Variants in RUNDC3B observed in about 807,000 individuals in gnomAD.
RUNDC3B encodes RUN domain-containing protein 3B.
RUNDC3B carries 33 observed loss-of-function variants against 58.4 expected under a neutral mutation model. The ratio of observed to expected loss-of-function variants is 0.56; its 90% CI spans 0.43 to 0.75. RUNDC3B has a LOEUF of 0.75. RUNDC3B is among the 30% of genes least tolerant of loss of function. The pLI, the probability that RUNDC3B is intolerant of heterozygous loss-of-function variation, is 0.00. For synonymous variants in RUNDC3B, 193 were observed against 195.2 expected (o/e 0.99, Z 0.10); for missense variants, 501 against 535.7 (o/e 0.94, Z 0.64).
intron 4 of RUNDC3B, among the ~76,000 whole-genome samples, chr7:87,719,990 C>CA (rs11363135): frequency 0.083 from 9,302 of 112,092 alleles, 537 homozygotes; most frequent in African/African-American, 0.21. Context: ...TGACTACATC[C>CA]AAAAAAAAAA....
Position 87,760,957 on chromosome 7 carries a change from CAAAAG to C in RUNDC3B, c.630-9619_630-9615del, listed in dbSNP as rs1833644140. Among the ~76,000 whole-genome samples, 4 of 151,510 alleles carry C rather than the reference CAAAAG, an allele frequency of 2.6e-5. No homozygotes were observed. In the South Asian group the frequency reaches 8.3e-4, roughly 32 times the overall value. On this transcript the variant is annotated intron_variant, in intron 6 of 10. Coordinates refer to ENST00000394654, the MANE Select transcript of RUNDC3B (RefSeq NM_001134405.2). ...AATATGACACCAAAAATGTAAATAA[CAAAAG>C]AAAAAATAGATAAATTGGACTTCAT... is the stretch of plus-strand genomic sequence containing the variant.
At chr7:87,765,933 T>A (rs1416067120) in intron 6 of RUNDC3B, among the ~76,000 whole-genome samples, 1 of 152,120 alleles carries the variant, frequency 6.6e-6, no homozygotes. Context: ...CTATATCATT[T>A]CTTATGTCTA....
Position 87,741,550 on chromosome 7 carries a change from C to T in RUNDC3B, c.600C>T (p.Asp200=). 1 of 1,585,954 alleles carries T rather than the reference C, an allele frequency of 6.3e-7. No homozygotes were observed. Among genetic ancestry groups the T allele is most frequent in the Non-Finnish European group, 8.6e-7 (1 of 1,159,626 alleles). The change falls in exon 6 of 11, where the codon GAC becomes GAT. Residue 200 remains aspartate, a synonymous_variant. Transcript: ENST00000394654. ...GLDGSFPAVI[D]YTPYLKYIQS... is the part of the protein sequence containing the mutation. ...ATGGCAGTTTTCCTGCTGTAATAGA[C>T]TATACACCATATTTGAAGTATATCC...
intron 2 of RUNDC3B, among the ~76,000 whole-genome samples, chr7:87,652,624 A>ATATATG (rs1312743162): frequency 1.4e-5 from 2 of 142,836 alleles, no homozygotes; most frequent in South Asian, 4.3e-4. Context: ...GGTCACTGAT[A>ATATATG]TATATATATA....
intron 2 of RUNDC3B, among the ~76,000 whole-genome samples, chr7:87,658,581 G>A (rs560177088): frequency 6.6e-6 from 1 of 152,210 alleles, no homozygotes; most frequent in Non-Finnish European, 1.5e-5. Context: ...TCATGCCAAA[G>A]GCACGATAAT....
intron 4 of RUNDC3B, among the ~76,000 whole-genome samples, chr7:87,713,553 A>C (rs1830282351): frequency 6.6e-6 from 1 of 151,754 alleles, no homozygotes; most frequent in South Asian, 2.1e-4. Flanking sequence ...AACCTCGAAG[A>C]GTTACATGGC....
intron 2 of RUNDC3B, chr7:87,693,893 A>ATT: frequency 2.7e-6 from 4 of 1,462,040 alleles, no homozygotes; most frequent in South Asian, 1.2e-5. Flanking sequence ...TGTTGTTGTT[A>ATT]TTTTTTTTTT....
At chr7:87,807,793 T>C (rs1420762413) in intron 9 of RUNDC3B, among the ~76,000 whole-genome samples, 1 of 152,182 alleles carries the variant, frequency 6.6e-6, no homozygotes, top group African/African-American at 2.4e-5. Flanking sequence ...TTGAATTCTA[T>C]CATTGGTGTG....
At chr7:87,773,645 G>T (rs1188033920) in intron 7 of RUNDC3B, among the ~76,000 whole-genome samples, 1 of 135,916 alleles carries the variant, frequency 7.4e-6, no homozygotes, top group Admixed American at 7.3e-5. Flanking sequence ...GGTTTGTTTT[G>T]TTTTTGTCTT....
At chr7:87,767,075 C>T (rs990208165) in intron 6 of RUNDC3B, among the ~76,000 whole-genome samples, 1 of 152,008 alleles carries the variant, frequency 6.6e-6, no homozygotes, top group African/African-American at 2.4e-5. Context: ...GCGAATTTTT[C>T]ATTTCTTCAA....
chr7:87,731,035 G>A (rs567052172), intron 4 of RUNDC3B, among the ~76,000 whole-genome samples: 5 of 152,206 alleles, frequency 3.3e-5, no homozygotes, highest in South Asian at 2.1e-4. Flanking sequence ...TGATGCCTAC[G>A]TGGCTACAGT....
intron 8 of RUNDC3B, among the ~76,000 whole-genome samples, chr7:87,793,662 G>GT (rs1013373143): frequency 2.2e-4 from 33 of 151,802 alleles, no homozygotes; most frequent in African/African-American, 6.3e-4. Context: ...AAAAAACTGA[G>GT]TTTTTTTTGA....
chr7:87,733,866 G>A (rs1465468000), intron 4 of RUNDC3B, among the ~76,000 whole-genome samples: 3 of 152,152 alleles, frequency 2.0e-5, no homozygotes, highest in Admixed American at 2.0e-4. Context: ...CCACGGACAG[G>A]TTCTGGTTCA....
chr7:87,713,318 G>A lies in RUNDC3B; in HGVS notation c.458+2663G>A, dbSNP rs528747108. On this transcript the variant is annotated intron_variant, in intron 4 of 10. Coordinates refer to ENST00000394654, the MANE Select transcript of RUNDC3B (RefSeq NM_001134405.2). ...GATAGCCTTTAAAATGGTAATACAA[G>A]TGTTTATCCCAGTACCAGAGGAGGA... 6 of 152,254 alleles carry A rather than the reference G, an allele frequency of 3.9e-5. No individual in the cohort carries two copies. The South Asian group carries it at 8.3e-4, about 21-fold the overall frequency. 9.4% of individuals were successfully genotyped at this position (152,254 alleles called of 1,614,324 possible). A position where few individuals can be genotyped will look rare whatever the true frequency, so the allele number is the denominator to read the frequency against.
intron 7 of RUNDC3B, among the ~76,000 whole-genome samples, chr7:87,775,221 A>G (rs539820953): frequency 8.2e-4 from 125 of 152,308 alleles, no homozygotes; most frequent in African/African-American, 3.0e-3. Flanking sequence ...GAAGACAGTG[A>G]TATTGATGAT....
intron 6 of RUNDC3B, among the ~76,000 whole-genome samples, chr7:87,743,086 C>G (rs1445437015): frequency 6.6e-6 from 1 of 151,372 alleles, no homozygotes; most frequent in East Asian, 1.9e-4. Context: ...TGCACCCCAA[C>G]CTGGGTGACA....
At chr7:87,717,703 A>G (rs1830641631) in intron 4 of RUNDC3B, among the ~76,000 whole-genome samples, 1 of 152,142 alleles carries the variant, frequency 6.6e-6, no homozygotes. Flanking sequence ...CACTTCCTCA[A>G]AATCAATCAT....
At chr7:87,740,336 TAA>T (rs1019442377) in intron 5 of RUNDC3B, among the ~76,000 whole-genome samples, 3 of 148,566 alleles carry the variant, frequency 2.0e-5, no homozygotes, top group African/African-American at 7.4e-5. Flanking sequence ...TGGAGAATAT[TAA>T]AAAAAAAAAT....
At chr7:87,673,057 G>A (rs1233557300) in intron 2 of RUNDC3B, among the ~76,000 whole-genome samples, 1 of 152,182 alleles carries the variant, frequency 6.6e-6, no homozygotes. Flanking sequence ...AACTCTTCTG[G>A]TTTGTAGGCT....
Sources: gnomAD v4.1 joint callset for allele counts (sites outside exome capture counted in the v4.1 genomes callset) on GRCh38, gnomAD v4.1.1 for gene constraint, MANE v1.5 for transcripts, NCBI Gene and HGNC (gene_info 2026-07-23, HGNC 2026-07-21) for gene names.